The following PTPN14 variants were observed in gnomAD, a reference collection of about 807,000 sequenced individuals.
PTPN14 encodes the protein protein tyrosine phosphatase non-receptor type 14, also known as tyrosine-protein phosphatase non-receptor type 14.
A neutral mutation model predicts 126.8 loss-of-function variants in PTPN14; 53 were observed. The ratio of observed to expected loss-of-function variants is 0.42; its 90% CI spans 0.34 to 0.53. The LOEUF (loss-of-function observed/expected upper bound fraction) is 0.53, where lower values mean the gene tolerates loss of function less well. Ranked by LOEUF, PTPN14 falls within the 20% of genes least tolerant of loss-of-function variation. The pLI, the probability that PTPN14 is intolerant of heterozygous loss-of-function variation, is 0.08. For synonymous variants in PTPN14, 630 were observed against 599.3 expected (o/e 1.05, Z -0.75); for missense variants, 1,257 against 1,552.9 (o/e 0.81, Z 3.20).
At chr1:214,436,890 T>C (rs1319484589) in intron 3 of PTPN14, among the ~76,000 whole-genome samples, 2 of 151,428 alleles carry the variant, frequency 1.3e-5, no homozygotes, top group African/African-American at 2.4e-5. Context: ...CACAAAATCA[T>C]GGGTGTGCTT....
intron 1 of PTPN14, among the ~76,000 whole-genome samples, chr1:214,496,852 T>C (rs1398388240): frequency 1.4e-5 from 2 of 138,632 alleles, no homozygotes; most frequent in Non-Finnish European, 1.7e-5. Flanking sequence ...ATTTTCATGA[T>C]TAAACTACAA....
intron 3 of PTPN14, among the ~76,000 whole-genome samples, chr1:214,433,010 T>C (rs1659828826): frequency 6.6e-6 from 1 of 152,066 alleles, no homozygotes. Context: ...TTCACACCAT[T>C]CTCCTGCCTC....
chr1:214,390,792 T>C (rs1056201763), intron 11 of PTPN14, among the ~76,000 whole-genome samples, 196 bp downstream of exon 11: 1 of 152,118 alleles, frequency 6.6e-6, no homozygotes, highest in African/African-American at 2.4e-5. Flanking sequence ...TCAGCCACAC[T>C]TAGAGTAGTG....
chr1:214,447,677 A>G (rs985791760), intron 3 of PTPN14, among the ~76,000 whole-genome samples: 3 of 152,160 alleles, frequency 2.0e-5, no homozygotes, highest in African/African-American at 7.2e-5. Flanking sequence ...GGCAACAAAA[A>G]TTTCTGCAAT....
chr1:214,411,805 G>T (rs1405867579), intron 4 of PTPN14, 54 bp from the exon 5 acceptor site: 2 of 1,165,692 alleles, frequency 1.7e-6, no homozygotes, highest in African/African-American at 1.6e-5. Flanking sequence ...ATTAAAGATG[G>T]AATAAAATAG....
At chr1:214,435,238 T>C (rs968672303) in intron 3 of PTPN14, among the ~76,000 whole-genome samples, 8 of 152,186 alleles carry the variant, frequency 5.3e-5, no homozygotes, top group African/African-American at 1.9e-4. Flanking sequence ...GTAGTGTGTC[T>C]GCTGTGTGTG....
At position 214,357,975 on chromosome 1, in the gene PTPN14, T is replaced by A. The variant is rs1316490710; in HGVS notation, c.3511A>T (p.Lys1171Ter). The A allele has an allele frequency of 7.4e-6, 12 of 1,613,464 alleles. No individual in the cohort carries two copies. In the South Asian group the frequency reaches 1.3e-4, roughly 18 times the overall value. The change falls in exon 19 of 19, where the codon AAG (lysine) becomes TAG (stop). Residue 1171 changes from lysine to a stop codon, truncating the protein, a stop_gained. Transcript: ENST00000366956. LOFTEE classifies it high-confidence loss of function. ...TGGATGAGGACTTGGTAGACAAACT[T>A]GTACTGAGCGATAGTCTGGATCATG... ...MFMIQTIAQY[K>*]FVYQVLIQFL...
chr1:214,493,961 A>G lies in PTPN14; in HGVS notation c.-154-29004T>C, dbSNP rs1274022149. Among the ~76,000 whole-genome samples the G allele has an allele frequency of 2.0e-5, 3 of 152,222 alleles. No homozygotes were observed. The South Asian group carries it at 6.2e-4, about 32-fold the overall frequency. ...AACCACTTCTAAAGGTGTAGCACTC[A>G]ATTTACGTGGACACATCAAAGAAAG... is the stretch of plus-strand genomic sequence containing the variant. On this transcript the variant is annotated intron_variant, in intron 1 of 18. Transcript: ENST00000366956.
chr1:214,364,763 G>A lies in PTPN14; in HGVS notation c.3272-88C>T. 8.6e-7 allele frequency: 1 copy of A among 1,165,994 alleles called. No homozygotes were observed. Among genetic ancestry groups the A allele is most frequent in the Non-Finnish European group, 1.2e-6 (1 of 833,892 alleles). 72.2% of individuals were successfully genotyped at this position (1,165,994 alleles called of 1,614,324 possible). ...AGGGGGGAGCGGAAGAGAACTGATG[G>A]TGAGTGTGTGTGTGTGTGTGTGTGT... On this transcript the variant is annotated intron_variant, in intron 17 of 18. Transcript: ENST00000366956. This position sits in a 1 kb window ranked among gnomAD's most constrained non-coding sequence, Gnocchi z 4.1.
At chr1:214,487,010 A>C (rs749443954) in intron 1 of PTPN14, among the ~76,000 whole-genome samples, 2 of 151,896 alleles carry the variant, frequency 1.3e-5, no homozygotes, top group Non-Finnish European at 2.9e-5. Context: ...TTTTCATTCT[A>C]CCACAAAATA....
chr1:214,381,258 T>A (rs1658465752), intron 13 of PTPN14, among the ~76,000 whole-genome samples: 1 of 152,226 alleles, frequency 6.6e-6, no homozygotes, highest in Admixed American at 6.5e-5. Flanking sequence ...GTGGACATCA[T>A]TAAGTATCAA....
intron 1 of PTPN14, among the ~76,000 whole-genome samples, chr1:214,517,496 A>AAAC (rs1482829798): frequency 6.6e-6 from 1 of 151,914 alleles, no homozygotes; most frequent in African/African-American, 2.4e-5. Flanking sequence ...TTAAAAAAAA[A>AAAC]AAAAACATAA....
intron 1 of PTPN14, among the ~76,000 whole-genome samples, chr1:214,475,172 T>G (rs1660842006): frequency 6.6e-6 from 1 of 152,026 alleles, no homozygotes; most frequent in Non-Finnish European, 1.5e-5. Flanking sequence ...ACAAAAAAAT[T>G]TACTAAATGA....
chr1:214,421,618 T>C (rs995197378), intron 3 of PTPN14, among the ~76,000 whole-genome samples: 1 of 152,170 alleles, frequency 6.6e-6, no homozygotes, highest in Non-Finnish European at 1.5e-5. Context: ...AAACACCCAA[T>C]GATCCTAATC....
At chr1:214,476,124 G>A (rs1238389288) in intron 1 of PTPN14, among the ~76,000 whole-genome samples, 2 of 152,290 alleles carry the variant, frequency 1.3e-5, no homozygotes, top group East Asian at 3.9e-4. Flanking sequence ...AGGCATGGTG[G>A]CAGAATCAGG....
chr1:214,392,413 G>A lies in PTPN14; in HGVS notation c.929+1282C>T, dbSNP rs533226588. The stretch of plus-strand genomic sequence containing the variant: ...ACCACAAAAGGAAAATAAACACTCC[G>A]TAAATTTTATAGTAAAACCATCTGC... On this transcript the variant is annotated intron_variant, in intron 10 of 18. Coordinates refer to ENST00000366956, the MANE Select transcript of PTPN14 (RefSeq NM_005401.5). 4.2e-3 allele frequency among the ~76,000 whole-genome samples: 635 copies of A among 152,202 alleles called. 8 individuals carry two copies. Among genetic ancestry groups the A allele is most frequent in the African/African-American group, 0.014 (583 of 41,536 alleles).
intron 3 of PTPN14, among the ~76,000 whole-genome samples, chr1:214,424,752 T>G (rs1233131784): frequency 6.6e-6 from 1 of 152,180 alleles, no homozygotes; most frequent in East Asian, 1.9e-4. Context: ...TTTTGCCATG[T>G]TGGCAAGGCT....
intron 16 of PTPN14, 127 bp downstream of exon 16, chr1:214,372,584 A>G: frequency 2.2e-6 from 3 of 1,355,102 alleles, no homozygotes; most frequent in Non-Finnish European, 3.1e-6. Context: ...ACCAAAGAGA[A>G]AAGCATGTGC....
chr1:214,366,000 A>C (rs977613440), intron 17 of PTPN14, among the ~76,000 whole-genome samples: 6 of 152,172 alleles, frequency 3.9e-5, no homozygotes, highest in Admixed American at 2.0e-4. Context: ...CCCTGTCTCT[A>C]CTAAAAATAC....
Sources: gnomAD v4.1 joint callset for allele counts (sites outside exome capture counted in the v4.1 genomes callset) on GRCh38, gnomAD v4.1.1 for gene constraint, Gnocchi (gnomAD v3.1) non-coding constraint, MANE v1.5 for transcripts, NCBI Gene and HGNC (gene_info 2026-07-23, HGNC 2026-07-21) for gene names.